ALG12: variants seen among roughly 807,000 people sequenced by gnomAD.
ALG12 encodes the protein ALG12 alpha-1,6-mannosyltransferase.
A neutral mutation model predicts 46.0 loss-of-function variants in ALG12; 36 were observed. The ratio of observed to expected loss-of-function variants is 0.78; its 90% CI spans 0.60 to 1.03. The LOEUF (loss-of-function observed/expected upper bound fraction) is 1.03, where lower values mean the gene tolerates loss of function less well. ALG12 is among the 50% of genes least tolerant of loss of function. The pLI is 0.00. For missense variants in ALG12, 599 were observed against 633.5 expected, an observed-to-expected ratio of 0.95 and a Z score of 0.58; for synonymous variants, 326 against 291.6, an observed-to-expected ratio of 1.12 and a Z score of -1.20.
chr22:49,871,189 C>T, the ALG12 span, among the ~76,000 whole-genome samples: 2 of 152,124 alleles, frequency 1.3e-5, no homozygotes, highest in Admixed American at 6.5e-5. Context: ...GGACTACAGG[C>T]GTGAGTCACT....
At chr22:49,886,772 A>G in the ALG12 span, 11 of 1,612,522 alleles carry the variant, frequency 6.8e-6, no homozygotes, top group Non-Finnish European at 9.3e-6. This position sits in a 1 kb window ranked among gnomAD's most constrained non-coding sequence, Gnocchi z 7.7. Context: ...GAACTCATGA[A>G]TTCTACCTCA....
At chr22:49,896,240 G>A (rs545232540), downstream of ALG12, among the ~76,000 whole-genome samples, 60 of 152,378 alleles carry the variant, frequency 3.9e-4, no homozygotes, top group African/African-American at 1.3e-3. Context: ...TCACCTAGGC[G>A]TCATCCTCAT....
At chr22:49,908,540 A>C (rs1336765393) in intron 6 of ALG12, among the ~76,000 whole-genome samples, 24 of 145,154 alleles carry the variant, frequency 1.7e-4, no homozygotes, top group Non-Finnish European at 2.8e-4. Context: ...AAAAAAAAAA[A>C]AAAAAACCAA....
chr22:49,904,327 C>G lies in ALG12; in HGVS notation c.1162+10G>C, dbSNP rs1209341243. 1 of 1,614,174 alleles carries G rather than the reference C, an allele frequency of 6.2e-7. No homozygotes were observed. Among genetic ancestry groups the G allele is most frequent in the Non-Finnish European group, 8.5e-7 (1 of 1,180,026 alleles). ...CACAGCAGTCCCCAGGCAGTGCCCC[C>G]AGCACCCACCTGTCTGGGGGGGCAC... is the stretch of plus-strand genomic sequence containing the variant. On this transcript the variant is annotated intron_variant, in intron 8 of 9. Coordinates refer to ENST00000330817, the MANE Select transcript of ALG12 (RefSeq NM_024105.4).
chr22:49,865,827 A>G, the ALG12 span, among the ~76,000 whole-genome samples: 1 of 150,450 alleles, frequency 6.6e-6, no homozygotes, highest in South Asian at 2.1e-4. Context: ...CTCGAAGGTC[A>G]GTTTGGCTTA....
At chr22:49,910,155 G>T (rs1736870179) in intron 4 of ALG12, 67 bp from the exon 5 acceptor site, 1 of 1,486,646 alleles carries the variant, frequency 6.7e-7, no homozygotes, top group Non-Finnish European at 9.1e-7. Flanking sequence ...AACACCCGGG[G>T]AAGTGAAGGG....
rs1229586699 is a variant in ALG12, at chr22:49,905,073, G to T, written c.993-567C>A. Among the ~76,000 whole-genome samples, 1 of 152,138 alleles carries T rather than the reference G, an allele frequency of 6.6e-6. No individual in the cohort carries two copies. Among genetic ancestry groups the T allele is most frequent in the Non-Finnish European group, 1.5e-5 (1 of 68,032 alleles). On this transcript the variant is annotated intron_variant, in intron 7 of 9. Transcript: ENST00000330817. The surrounding 1 kb of genome is among the most constrained non-coding windows in gnomAD (Gnocchi z 4.9). ...TTTTCAAACAATCCCAAGTGACTGT[G>T]TAGGTCAGAGTGCCACCCGCGCGGC... is the stretch of plus-strand genomic sequence containing the variant.
chr22:49,909,228 G>A lies in ALG12; in HGVS notation c.768+16C>T, dbSNP rs558809803. 3.8e-4 allele frequency: 618 copies of A among 1,611,422 alleles called. 8 individuals are homozygous for A. In the South Asian group the frequency reaches 6.0e-3, roughly 16 times the overall value. The stretch of plus-strand genomic sequence containing the variant: ...GGTCCCACCCATCGCCCTCCTGCAC[G>A]GACACTGAAGGATACCCCCCAGTTG... On this transcript the variant is annotated intron_variant, in intron 6 of 9. Coordinates refer to ENST00000330817, the MANE Select transcript of ALG12 (RefSeq NM_024105.4).
At chr22:49,886,527 C>T in the ALG12 span, 1 of 1,568,310 alleles carries the variant, frequency 6.4e-7, no homozygotes, top group Non-Finnish European at 8.6e-7. This position sits in a 1 kb window ranked among gnomAD's most constrained non-coding sequence, Gnocchi z 7.7. Context: ...CCACCCTCAG[C>T]CAGGTCATCC....
the ALG12 span, among the ~76,000 whole-genome samples, chr22:49,864,450 C>T: frequency 2.0e-5 from 3 of 152,202 alleles, no homozygotes; most frequent in African/African-American, 4.8e-5. Flanking sequence ...GTAGCCATTA[C>T]GTACTACAGA....
At chr22:49,887,828 T>C in the ALG12 span, 4 of 167,294 alleles carry the variant, frequency 2.4e-5, no homozygotes, top group African/African-American at 7.2e-5. Context: ...ATTCAGGCTT[T>C]ACATGGTCAG....
the ALG12 span, among the ~76,000 whole-genome samples, chr22:49,882,536 C>T: frequency 6.6e-6 from 1 of 152,196 alleles, no homozygotes; most frequent in Non-Finnish European, 1.5e-5. Context: ...TAAACTGCTC[C>T]ATCTCCTACC....
the ALG12 span, chr22:49,884,679 G>A: frequency 6.2e-7 from 1 of 1,607,470 alleles, no homozygotes; most frequent in Admixed American, 1.7e-5. Flanking sequence ...GCGCCATCGT[G>A]TTGCAGGAGA....
chr22:49,910,407 G>A (rs1171308186), intron 4 of ALG12, 27 bp downstream of exon 4: 3 of 1,610,214 alleles, frequency 1.9e-6, no homozygotes, highest in East Asian at 2.2e-5. Context: ...CACCATGGGT[G>A]TGCAGGCCCG....
chr22:49,913,902 G>A, intron 1 of ALG12, 59 bp from the exon 2 acceptor site: 2 of 1,126,618 alleles, frequency 1.8e-6, no homozygotes, highest in African/African-American at 1.5e-5. Flanking sequence ...TCACGTTTGG[G>A]AGATCCGGGT....
At chr22:49,879,154 C>CA in the ALG12 span, among the ~76,000 whole-genome samples, 7 of 143,328 alleles carry the variant, frequency 4.9e-5, no homozygotes, top group South Asian at 2.6e-4. Context: ...AAAAAAAAAA[C>CA]AAAAAACAAA....
chr22:49,896,838 G>A (rs555293302), downstream of ALG12, among the ~76,000 whole-genome samples: 8 of 150,678 alleles, frequency 5.3e-5, no homozygotes, highest in Non-Finnish European at 7.4e-5. Flanking sequence ...GACGGGTTTC[G>A]CCATGTTTGC....
At chr22:49,861,944 G>A in the ALG12 span, among the ~76,000 whole-genome samples, 2 of 152,162 alleles carry the variant, frequency 1.3e-5, no homozygotes, top group Non-Finnish European at 2.9e-5. Context: ...GTGCTTCCAA[G>A]TTCCCCCGCA....
At chr22:49,913,151 T>C (rs1341770169) in intron 3 of ALG12, among the ~76,000 whole-genome samples, 2 of 152,224 alleles carry the variant, frequency 1.3e-5, no homozygotes, top group Admixed American at 1.3e-4. Flanking sequence ...GCATTTCTCT[T>C]GTACCTGCCG....
Sources: allele counts gnomAD v4.1 joint callset (sites outside exome capture counted in the v4.1 genomes callset), GRCh38; gene constraint gnomAD v4.1.1; non-coding constraint Gnocchi (gnomAD v3.1); transcripts MANE v1.5; gene names NCBI Gene and HGNC (gene_info 2026-07-23, HGNC 2026-07-21).